The following EPHA6 variants were observed in gnomAD, a reference collection of about 807,000 sequenced individuals.
EPHA6 encodes the protein ephrin type-A receptor 6.
EPHA6 carries 50 observed loss-of-function variants against 112.0 expected under a neutral mutation model. The ratio of observed to expected loss-of-function variants is 0.45; its 90% CI spans 0.36 to 0.56. EPHA6 has a LOEUF of 0.56. Among genes scored for constraint, EPHA6 ranks in the 20% least tolerant of loss-of-function variants. EPHA6 has a pLI of 0.00. For missense variants in EPHA6, 1,280 were observed against 1,417.4 expected, an observed-to-expected ratio of 0.90 and a Z score of 1.56; for synonymous variants, 529 against 490.7, an observed-to-expected ratio of 1.08 and a Z score of -1.03.
chr3:97,691,435 CACTTA>C (rs1170873587), intron 14 of EPHA6, among the ~76,000 whole-genome samples: 4 of 152,168 alleles, frequency 2.6e-5, no homozygotes, highest in African/African-American at 4.8e-5. Context: ...CTTGTATCTT[CACTTA>C]ACTTTTAAAT....
At chr3:97,516,937 TA>T (rs1448632382) in intron 10 of EPHA6, among the ~76,000 whole-genome samples, 1 of 152,070 alleles carries the variant, frequency 6.6e-6, no homozygotes, top group African/African-American at 2.4e-5. Context: ...CAACAAATAT[TA>T]AAAAGATATT....
At chr3:97,602,044 G>A (rs764967597) in intron 12 of EPHA6, among the ~76,000 whole-genome samples, 4 of 151,916 alleles carry the variant, frequency 2.6e-5, no homozygotes, top group Admixed American at 6.6e-5. Flanking sequence ...AAATATTCAG[G>A]ATGTAACACT....
chr3:97,652,375 A>T (rs1576207762), intron 14 of EPHA6, among the ~76,000 whole-genome samples: 1 of 152,206 alleles, frequency 6.6e-6, no homozygotes, highest in Non-Finnish European at 1.5e-5. Context: ...CTGCCCATTC[A>T]ACCTCTCTTG....
chr3:96,939,231 G>A (rs936428329), intron 2 of EPHA6, among the ~76,000 whole-genome samples: 1 of 152,112 alleles, frequency 6.6e-6, no homozygotes, highest in Non-Finnish European at 1.5e-5. Flanking sequence ...GAATCCATCT[G>A]GTCCTGGAAT....
chr3:97,707,349 A>G (rs1028732697), intron 14 of EPHA6, among the ~76,000 whole-genome samples: 11 of 152,202 alleles, frequency 7.2e-5, no homozygotes, highest in African/African-American at 2.7e-4. Flanking sequence ...CTGGGAGGAC[A>G]GTACATTCAC....
chr3:97,760,872 T>G lies in EPHA6; in HGVS notation c.*12171T>G, dbSNP rs1195339753. The G allele has an allele frequency of 5.3e-6, 1 of 188,576 alleles. No individual in the cohort carries two copies. The highest frequency in any genetic ancestry group is 1.1e-5 in the Non-Finnish European group (1 of 89,592). 11.7% of individuals were successfully genotyped at this position (188,576 alleles called of 1,614,324 possible). A position where few individuals can be genotyped will look rare whatever the true frequency, so the allele number is the denominator to read the frequency against. On this transcript the variant is annotated 3_prime_UTR_variant, in exon 18 of 18. Coordinates refer to ENST00000389672, the MANE Select transcript of EPHA6 (RefSeq NM_001080448.3). ...CATTGTAACTTGTCATGAAGCTATT[T>G]ATTATTAATTAAGGATTTAACTCTG...
intron 5 of EPHA6, among the ~76,000 whole-genome samples, chr3:97,249,019 T>C (rs182585137): frequency 1.3e-3 from 202 of 151,636 alleles, no homozygotes; most frequent in African/African-American, 2.2e-3. Flanking sequence ...AATATTCTTT[T>C]AAAAACCTAT....
intron 2 of EPHA6, among the ~76,000 whole-genome samples, chr3:96,979,174 C>A (rs914838552): frequency 2.7e-4 from 41 of 151,964 alleles, no homozygotes; most frequent in African/African-American, 9.9e-4. Context: ...TCATCATTTA[C>A]ATTGGGTATA....
chr3:96,943,474 T>G (rs1361759499), intron 2 of EPHA6, among the ~76,000 whole-genome samples: 1 of 152,196 alleles, frequency 6.6e-6, no homozygotes, highest in East Asian at 1.9e-4. Context: ...ATTTTATATA[T>G]TAAATGCTTT....
intron 3 of EPHA6, among the ~76,000 whole-genome samples, chr3:97,017,246 C>G (rs2044295848): frequency 6.6e-6 from 1 of 152,184 alleles, no homozygotes; most frequent in Non-Finnish European, 1.5e-5. Context: ...CACACCTCTT[C>G]CATTCCCTGG....
intron 3 of EPHA6, among the ~76,000 whole-genome samples, chr3:97,089,420 A>C (rs2108224847): frequency 6.6e-6 from 1 of 151,996 alleles, no homozygotes; most frequent in East Asian, 1.9e-4. Context: ...TTCTTTACTC[A>C]TTTTTTCTGA....
At chr3:97,011,646 C>G (rs1048717794) in intron 3 of EPHA6, among the ~76,000 whole-genome samples, 3 of 152,110 alleles carry the variant, frequency 2.0e-5, no homozygotes, top group African/African-American at 7.2e-5. Flanking sequence ...ACTTCTATTT[C>G]TTTTTCAACT....
intron 6 of EPHA6, among the ~76,000 whole-genome samples, chr3:97,419,918 C>G (rs988337804): frequency 6.6e-6 from 1 of 151,860 alleles, no homozygotes; most frequent in Admixed American, 6.6e-5. Flanking sequence ...GAAATCAACA[C>G]ATGAAATAAC....
chr3:97,467,026 C>A (rs754655575), intron 7 of EPHA6, among the ~76,000 whole-genome samples: 1 of 151,776 alleles, frequency 6.6e-6, no homozygotes, highest in African/African-American at 2.4e-5. Flanking sequence ...CACCCTCCCC[C>A]TCTTGTCCTG....
chr3:97,230,318 A>G lies in EPHA6; in HGVS notation c.1270+3899A>G, dbSNP rs114171522. 6.1e-3 allele frequency among the ~76,000 whole-genome samples: 929 copies of G among 152,312 alleles called. 7 individuals carry two copies. Among genetic ancestry groups the G allele is most frequent in the African/African-American group, 0.021 (887 of 41,584 alleles). On this transcript the variant is annotated intron_variant, in intron 4 of 17. Coordinates refer to ENST00000389672, the MANE Select transcript of EPHA6 (RefSeq NM_001080448.3). Reference sequence around the variant, plus strand: ...ACAAACTAGTCAAAGAAAAATAAATATGGGCTACAACAAGGTCTATGAATG... The same window carrying G: ...ACAAACTAGTCAAAGAAAAATAAATGTGGGCTACAACAAGGTCTATGAATG...
intron 5 of EPHA6, among the ~76,000 whole-genome samples, chr3:97,285,507 A>T (rs375182299): frequency 6.6e-6 from 1 of 152,070 alleles, no homozygotes; most frequent in East Asian, 1.9e-4. Flanking sequence ...ATTTTATTTA[A>T]CATAAAGACC....
intron 2 of EPHA6, among the ~76,000 whole-genome samples, chr3:96,872,614 G>A (rs2036695270): frequency 6.6e-6 from 1 of 151,976 alleles, no homozygotes; most frequent in Admixed American, 6.6e-5. Flanking sequence ...TTCCAGGTTG[G>A]TGGGCTTTAA....
intron 5 of EPHA6, among the ~76,000 whole-genome samples, chr3:97,309,619 A>T (rs1181483742): frequency 6.6e-6 from 1 of 151,656 alleles, no homozygotes; most frequent in East Asian, 1.9e-4. Flanking sequence ...CTGGTAACAT[A>T]TTTAAGTACT....
chr3:97,476,590 A>T (rs2091375474), intron 8 of EPHA6, among the ~76,000 whole-genome samples: 1 of 152,146 alleles, frequency 6.6e-6, no homozygotes, highest in African/African-American at 2.4e-5. Flanking sequence ...CATATGAAAA[A>T]TTGTCTACAA....
Sources: allele counts gnomAD v4.1 joint callset (sites outside exome capture counted in the v4.1 genomes callset), GRCh38; gene constraint gnomAD v4.1.1; transcripts MANE v1.5; gene names NCBI Gene and HGNC (gene_info 2026-07-23, HGNC 2026-07-21).